The following SMG6 variants were observed in gnomAD, a reference collection of about 807,000 sequenced individuals.
SMG6 encodes telomerase-binding protein EST1A.
Under a neutral mutation model 142.2 loss-of-function variants are expected in SMG6, and 66 were observed. The observed-to-expected ratio is 0.46, with a 90% confidence interval of 0.38 to 0.57. The LOEUF is 0.57. SMG6 is among the 20% of genes least tolerant of loss of function. The pLI is 0.00. For synonymous variants in SMG6, 779 were observed against 702.4 expected (o/e 1.11, Z -1.72); for missense variants, 1,793 against 1,832.0 (o/e 0.98, Z 0.39).
At chr17:2,088,461 T>C in intron 13 of SMG6, 1 of 985,356 alleles carries the variant, frequency 1.0e-6, no homozygotes, top group African/African-American at 1.7e-5. Context: ...AGAAGGAAAT[T>C]GGTTTCCTTG....
intron 10 of SMG6, among the ~76,000 whole-genome samples, chr17:2,231,635 T>G (rs1407828483): frequency 6.6e-6 from 1 of 151,914 alleles, no homozygotes; most frequent in Non-Finnish European, 1.5e-5. Flanking sequence ...AGGCAGAGGT[T>G]GCAGTGAGCC....
rs965749320 is a variant in SMG6 at position 2,080,457 on chromosome 17, T to C, written c.3681+1353A>G. Among the ~76,000 whole-genome samples, 6 of 151,990 alleles carry C rather than the reference T, an allele frequency of 3.9e-5. No homozygotes were observed. The East Asian group carries it at 1.2e-3, about 29-fold the overall frequency. On this transcript the variant is annotated intron_variant, in intron 15 of 18. Coordinates refer to ENST00000263073, the MANE Select transcript of SMG6 (RefSeq NM_017575.5). ...AACAAACAAACAAAAAAAAGATGGC[T>C]CTCGATTGGTATTTATTCCTCTTCC...
In SMG6 at chr17:2,300,564, G is replaced by C. The variant is rs369467993; in HGVS notation, c.189C>G (p.Pro63=). ...KPGLSRLRNK[P]KIKEPPGSEE... ...CACTCCCAGGGGGTTCCTTGATTTT[G>C]GGCTTGTTCCTTAGCCGAGAAAGGC... is the stretch of plus-strand genomic sequence containing the variant. The change falls in exon 2 of 19, where the codon CCC becomes CCG. Residue 63 remains proline, a synonymous_variant. Coordinates refer to ENST00000263073, the MANE Select transcript of SMG6 (RefSeq NM_017575.5). 1 of 1,613,986 alleles carries C rather than the reference G, an allele frequency of 6.2e-7. No homozygotes were observed. The highest frequency in any genetic ancestry group is 1.7e-5 in the Admixed American group (1 of 59,990).
At chr17:2,100,419 C>G (rs1171143176) in intron 13 of SMG6, among the ~76,000 whole-genome samples, 29 of 152,166 alleles carry the variant, frequency 1.9e-4, no homozygotes, top group Non-Finnish European at 1.8e-4. Context: ...GTGATCTGCC[C>G]TCCTTCACCT....
intron 9 of SMG6, among the ~76,000 whole-genome samples, chr17:2,241,077 G>A (rs1234200760): frequency 2.0e-5 from 3 of 152,120 alleles, no homozygotes; most frequent in Non-Finnish European, 4.4e-5. Flanking sequence ...CAGAATAAGA[G>A]GATACCCATA....
intron 4 of SMG6, among the ~76,000 whole-genome samples, 181 bp downstream of exon 4, chr17:2,297,062 T>C (rs766299043): frequency 4.6e-5 from 7 of 151,572 alleles, no homozygotes; most frequent in Non-Finnish European, 8.8e-5. Flanking sequence ...GGAGCACTGC[T>C]ATATACCACT....
At chr17:2,064,528 T>C (rs1314807051) in intron 18 of SMG6, among the ~76,000 whole-genome samples, 1 of 152,174 alleles carries the variant, frequency 6.6e-6, no homozygotes, top group Non-Finnish European at 1.5e-5. Context: ...TGCTACAGCT[T>C]GTGACCAAAG....
At chr17:2,285,837 C>T (rs1219203881) in intron 6 of SMG6, among the ~76,000 whole-genome samples, 4 of 152,196 alleles carry the variant, frequency 2.6e-5, no homozygotes, top group South Asian at 4.2e-4. Flanking sequence ...CCACACCTGG[C>T]TAATTTTTAT....
intron 13 of SMG6, among the ~76,000 whole-genome samples, chr17:2,086,501 G>T (rs2151437660): frequency 6.6e-6 from 1 of 152,306 alleles, no homozygotes; most frequent in East Asian, 1.9e-4. Flanking sequence ...AAATTGTCAG[G>T]AGAGAGACAG....
chr17:2,260,050 G>A (rs1361766467), intron 8 of SMG6, among the ~76,000 whole-genome samples: 1 of 152,202 alleles, frequency 6.6e-6, no homozygotes, highest in Admixed American at 6.5e-5. Flanking sequence ...AGTGTTTCAA[G>A]TTAAAAATGG....
intron 8 of SMG6, among the ~76,000 whole-genome samples, chr17:2,281,273 G>A (rs929580134): frequency 2.0e-5 from 3 of 152,034 alleles, no homozygotes; most frequent in Admixed American, 6.6e-5. Context: ...CTAGAGGCCC[G>A]CATCACCATG....
At chr17:2,234,588 TAAC>T (rs1393655832) in intron 10 of SMG6, among the ~76,000 whole-genome samples, 6 of 152,180 alleles carry the variant, frequency 3.9e-5, no homozygotes, top group Admixed American at 3.9e-4. Flanking sequence ...AACCTTTACT[TAAC>T]AACAGCTACA....
At position 2,071,262 on chromosome 17, in the gene SMG6, A is replaced by ATT. The variant is rs768639329; in HGVS notation, c.3682-2333_3682-2332dup. Among the ~76,000 whole-genome samples, 7 of 145,662 alleles carry ATT rather than the reference A, an allele frequency of 4.8e-5. No homozygotes were observed. The highest frequency in any genetic ancestry group is 9.1e-5 in the Non-Finnish European group (6 of 66,094). On this transcript the variant is annotated intron_variant, in intron 15 of 18. Coordinates refer to ENST00000263073, the MANE Select transcript of SMG6 (RefSeq NM_017575.5). This position sits in a 1 kb window ranked among gnomAD's most constrained non-coding sequence, Gnocchi z 5.6. ...TGACTCTATCAAGGAAGTGGCTGCCATTTTTTTTTTTACCCTATGTGAACA... is the reference window on the plus strand; with the variant it reads ...TGACTCTATCAAGGAAGTGGCTGCCATTTTTTTTTTTTTACCCTATGTGAACA...
intron 6 of SMG6, among the ~76,000 whole-genome samples, chr17:2,287,416 G>A (rs1334107118): frequency 6.6e-6 from 1 of 152,208 alleles, no homozygotes; most frequent in Non-Finnish European, 1.5e-5. Flanking sequence ...GCAAGGAAGT[G>A]GAGAAATCAG....
intron 8 of SMG6, among the ~76,000 whole-genome samples, chr17:2,271,097 GTTC>G (rs1248285496): frequency 2.7e-5 from 4 of 146,908 alleles, no homozygotes; most frequent in Admixed American, 1.4e-4. Flanking sequence ...CCAGGAAATT[GTTC>G]TTCTGTTTTT....
At chr17:2,191,830 T>C (rs920409118) in intron 10 of SMG6, among the ~76,000 whole-genome samples, 2 of 152,196 alleles carry the variant, frequency 1.3e-5, no homozygotes, top group African/African-American at 2.4e-5. Context: ...CCAACTGTCG[T>C]CAAAGTTGCA....
In SMG6 at chr17:2,283,875, G is replaced by C; in HGVS notation, c.2338-140C>G. ...GAATCCCAACAACAAAATCAGAAAT[G>C]CTATCCACAGGAGAAGCCATTGCAA... On this transcript the variant is annotated intron_variant, in intron 6 of 18. Coordinates refer to ENST00000263073, the MANE Select transcript of SMG6 (RefSeq NM_017575.5). 3 of 645,348 alleles carry C rather than the reference G, an allele frequency of 4.6e-6. No homozygotes were observed. The South Asian group carries it at 5.4e-5, about 12-fold the overall frequency. The allele number at this position is 645,348 out of a possible 1,614,324, so 40.0% of individuals were successfully genotyped here.
rs746827019 is a variant in SMG6 at position 2,236,505 on chromosome 17, G to C, written c.2856C>G (p.Asn952Lys). The change falls in exon 10 of 19, where the codon AAC becomes AAG. Residue 952 changes from asparagine to lysine, a missense_variant. Physicochemically the swap from Asn to Lys is moderately conservative, Grantham distance 94 (BLOSUM62 0). Coordinates refer to ENST00000263073, the MANE Select transcript of SMG6 (RefSeq NM_017575.5). ...AACATGCCTTACCTTTCAGCTGGGA[G>C]TTGTGTACTGCAAACATATTGATGG... ...LMTINMFAVH[N>K]SQLKDCFSEE... 1.2e-6 allele frequency: 2 copies of C among 1,612,792 alleles called. No homozygotes were observed. The highest frequency in any genetic ancestry group is 1.7e-6 in the Non-Finnish European group (2 of 1,179,424).
intron 13 of SMG6, among the ~76,000 whole-genome samples, chr17:2,172,112 G>A (rs1360307515): frequency 6.6e-6 from 1 of 152,142 alleles, no homozygotes; most frequent in Non-Finnish European, 1.5e-5. Context: ...CAAGAAAAAC[G>A]TTCAGGTTAA....
Sources: gnomAD v4.1 joint callset for allele counts (sites outside exome capture counted in the v4.1 genomes callset) on GRCh38, gnomAD v4.1.1 for gene constraint, Gnocchi (gnomAD v3.1) non-coding constraint, MANE v1.5 for transcripts, NCBI Gene and HGNC (gene_info 2026-07-23, HGNC 2026-07-21) for gene names.